Variants in FNDC3A observed in about 807,000 individuals in gnomAD.
FNDC3A encodes the protein fibronectin type III domain containing 3A.
In FNDC3A, 32 loss-of-function variants were observed where a neutral mutation model predicts 148.9. That is an observed-to-expected ratio of 0.21 (90% confidence interval 0.16 to 0.29). The LOEUF is 0.29. Ranked by LOEUF, FNDC3A falls within the 10% of genes least tolerant of loss-of-function variation. The pLI is 1.00. For missense variants in FNDC3A, 1,191 were observed against 1,452.8 expected (o/e 0.82, Z 2.93); for synonymous variants, 472 against 473.6 (o/e 1.00, Z 0.04).
At chr13:49,201,772 G>A in intron 23 of FNDC3A, 28 bp from the exon 24 acceptor site, 1 of 1,214,904 alleles carries the variant, frequency 8.2e-7, no homozygotes, top group Non-Finnish European at 1.1e-6. Context: ...GTAGTATAAG[G>A]TTTATCTAAT....
chr13:49,075,042 G>C (rs1308935889), intron 2 of FNDC3A, among the ~76,000 whole-genome samples: 1 of 152,040 alleles, frequency 6.6e-6, no homozygotes, highest in African/African-American at 2.4e-5. Context: ...GAAGTTTATT[G>C]ACTTTTCTTT....
chr13:49,065,771 T>C (rs979597186), intron 2 of FNDC3A, among the ~76,000 whole-genome samples: 9 of 152,320 alleles, frequency 5.9e-5, no homozygotes, highest in Middle Eastern at 3.4e-3. Context: ...CTCTATTTCA[T>C]TTACATTGTG....
chr13:49,117,340 T>G (rs1430988051), intron 4 of FNDC3A, among the ~76,000 whole-genome samples: 1 of 152,230 alleles, frequency 6.6e-6, no homozygotes, highest in East Asian at 1.9e-4. Context: ...TTCTTGATAC[T>G]TTCAATTATG....
At position 49,143,304 on chromosome 13, in the gene FNDC3A, G is replaced by A. The variant is rs971560380; in HGVS notation, c.820-2474G>A. Among the ~76,000 whole-genome samples, 19 of 152,198 alleles carry A rather than the reference G, an allele frequency of 1.2e-4. No homozygotes were observed. The East Asian group carries it at 2.7e-3, about 22-fold the overall frequency. The stretch of plus-strand genomic sequence containing the variant: ...TTTAGGAGGCCGGGGCAGGAGGATC[G>A]CTTGAGCCTAGGAGTTCGCAACCAG... On this transcript the variant is annotated intron_variant, in intron 7 of 25. Transcript: ENST00000492622.
chr13:49,174,611 C>A, intron 12 of FNDC3A, 52 bp downstream of exon 12: 1 of 1,466,610 alleles, frequency 6.8e-7, no homozygotes. Flanking sequence ...ATCAAGTCAA[C>A]GTCAATTGTA....
intron 1 of FNDC3A, among the ~76,000 whole-genome samples, chr13:48,999,663 AC>A (rs1391173565): frequency 6.6e-6 from 1 of 152,040 alleles, no homozygotes; most frequent in Admixed American, 6.6e-5. Context: ...TGAACCCCTA[AC>A]CCCCAAAATG....
intron 8 of FNDC3A, among the ~76,000 whole-genome samples, chr13:49,148,723 T>C (rs1000675971): frequency 6.6e-6 from 1 of 152,218 alleles, no homozygotes; most frequent in African/African-American, 2.4e-5. Flanking sequence ...TTGGATCACT[T>C]TTTATATTTC....
intron 2 of FNDC3A, among the ~76,000 whole-genome samples, chr13:49,014,988 T>A (rs899462016): frequency 6.6e-6 from 1 of 151,810 alleles, no homozygotes; most frequent in African/African-American, 2.4e-5. Context: ...ACCATGCTGT[T>A]TTGGTTACTG....
At chr13:49,154,152 C>T (rs1238866215) in intron 8 of FNDC3A, among the ~76,000 whole-genome samples, 2 of 147,704 alleles carry the variant, frequency 1.4e-5, no homozygotes, top group South Asian at 2.2e-4. Context: ...TACCCATGAG[C>T]ATGGAATGTT....
chr13:49,152,683 C>A (rs1452405513), intron 8 of FNDC3A, among the ~76,000 whole-genome samples: 7 of 148,868 alleles, frequency 4.7e-5, no homozygotes, highest in African/African-American at 1.5e-4. Context: ...CCCACCCCAC[C>A]ACAGTCCCCA....
chr13:49,033,968 GTTAAAACTGTTAGGAAACTATTACT>G (rs1874315277), intron 2 of FNDC3A, among the ~76,000 whole-genome samples: 1 of 151,848 alleles, frequency 6.6e-6, no homozygotes, highest in South Asian at 2.1e-4. Flanking sequence ...CCACTTTGTA[GTTAAAACTGTTAGGAAACTATTACT>G]TTAAATATGT....
chr13:49,098,659 C>T (rs1053293568), intron 3 of FNDC3A, among the ~76,000 whole-genome samples: 33 of 152,142 alleles, frequency 2.2e-4, no homozygotes, highest in African/African-American at 7.9e-4. Flanking sequence ...TAGATTCTAA[C>T]CATAAGTCAT....
intron 1 of FNDC3A, among the ~76,000 whole-genome samples, chr13:49,001,003 A>C (rs1207591184): frequency 6.6e-6 from 1 of 151,444 alleles, no homozygotes; most frequent in African/African-American, 2.4e-5. Flanking sequence ...AGGGTTTTCT[A>C]CCTATAAGAT....
chr13:49,202,054 T>C (rs1886443618), intron 24 of FNDC3A, 88 bp downstream of exon 24: 5 of 875,344 alleles, frequency 5.7e-6, no homozygotes, highest in Non-Finnish European at 8.3e-6. Context: ...GATATTAAAA[T>C]TTAGCATCCA....
intron 2 of FNDC3A, among the ~76,000 whole-genome samples, chr13:49,050,235 TTGTC>T (rs1176704366): frequency 6.6e-6 from 1 of 152,242 alleles, no homozygotes; most frequent in African/African-American, 2.4e-5. Flanking sequence ...CTTACTTAGA[TTGTC>T]TGTTTGTACT....
At chr13:49,045,060 C>T in intron 2 of FNDC3A, 1 of 100,376 alleles carries the variant, frequency 1.0e-5, no homozygotes, top group Non-Finnish European at 2.2e-5. Context: ...TTCCCTTTCC[C>T]TTTTCCTTTC....
At chr13:49,162,134 G>A (rs969593274) in intron 8 of FNDC3A, among the ~76,000 whole-genome samples, 3 of 152,066 alleles carry the variant, frequency 2.0e-5, no homozygotes, top group East Asian at 1.9e-4. Context: ...TCTGTATTTC[G>A]TAAATTTGAA....
At chr13:49,185,070 C>T (rs182214175) in intron 14 of FNDC3A, among the ~76,000 whole-genome samples, 2 of 151,896 alleles carry the variant, frequency 1.3e-5, no homozygotes, top group African/African-American at 4.8e-5. Flanking sequence ...GAGCTTTTTA[C>T]TGTGGGGAGA....
chr13:49,137,068 C>G lies in FNDC3A; in HGVS notation c.760+467C>G, dbSNP rs188154262. Among the ~76,000 whole-genome samples, 1,169 of 152,094 alleles carry G rather than the reference C, an allele frequency of 7.7e-3. 12 individuals are homozygous for G. The highest frequency in any genetic ancestry group is 0.012 in the Non-Finnish European group (825 of 67,992). On this transcript the variant is annotated intron_variant, in intron 6 of 25. Transcript: ENST00000492622. ...TCTCGATCTCCTGGGCTCAAGCAGT[C>G]CTCCCATCTTGGCCTCTCAAAGTGC...
Sources: gnomAD v4.1 joint callset for allele counts (sites outside exome capture counted in the v4.1 genomes callset) on GRCh38, gnomAD v4.1.1 for gene constraint, MANE v1.5 for transcripts, NCBI Gene and HGNC (gene_info 2026-07-23, HGNC 2026-07-21) for gene names.